GASK1A: variants seen among roughly 807,000 people sequenced by gnomAD.
GASK1A encodes the protein golgi associated kinase 1A, also known as Golgi-associated kinase 1A.
In GASK1A, 40 loss-of-function variants were observed where a neutral mutation model predicts 41.2. That is an observed-to-expected ratio of 0.97 (90% CI 0.75 to 1.27). GASK1A has a LOEUF of 1.27. Ranked by LOEUF, GASK1A falls within the 50% of genes most tolerant of loss-of-function variation. The pLI is 0.00. For synonymous variants in GASK1A, 316 were observed against 307.1 expected (o/e 1.03, Z -0.30); for missense variants, 678 against 745.1 (o/e 0.91, Z 1.05).
intron 2 of GASK1A, among the ~76,000 whole-genome samples, chr3:43,041,322 C>G (rs1294879066): frequency 6.6e-6 from 1 of 152,028 alleles, no homozygotes; most frequent in Non-Finnish European, 1.5e-5. Flanking sequence ...AATGGTTGAA[C>G]TAGTTTACAG....
At chr3:43,039,260 T>C (rs1376080419) in intron 2 of GASK1A, among the ~76,000 whole-genome samples, 3 of 141,884 alleles carry the variant, frequency 2.1e-5, no homozygotes, top group African/African-American at 7.7e-5. Context: ...TGGAGTACAA[T>C]GGCGCAATCT....
At chr3:43,027,432 T>C (rs1478515355) in intron 1 of GASK1A, among the ~76,000 whole-genome samples, 1 of 152,142 alleles carries the variant, frequency 6.6e-6, no homozygotes, top group Non-Finnish European at 1.5e-5. Context: ...GTTTATTTCA[T>C]TAATAATAGC....
At position 43,033,053 on chromosome 3, in the gene GASK1A, C is replaced by A. The variant is rs1278100490; in HGVS notation, c.790C>A (p.His264Asn). The A allele has an allele frequency of 6.4e-7, 1 of 1,551,680 alleles. No individual in the cohort carries two copies. Among genetic ancestry groups the A allele is most frequent in the South Asian group, 1.2e-5 (1 of 84,060 alleles). ...GCAGGCTCCCCCATGGCTGACAGAC[C>A]ACGATGTGCAGATGCTCCGTCTGTT... is the stretch of plus-strand genomic sequence containing the variant. ...GGQAPPWLTD[H>N]DVQMLRLLAQ... Residue 264 changes from histidine (H) to asparagine (N), a missense_variant, in exon 2 of 5, where the codon CAC becomes AAC. By Grantham distance (68) the His-to-Asn change is moderately conservative. Transcript: ENST00000430121.
chr3:43,050,052 A>G (rs552380229), intron 2 of GASK1A, among the ~76,000 whole-genome samples: 1 of 101,344 alleles, frequency 9.9e-6, no homozygotes, highest in South Asian at 2.6e-4. Flanking sequence ...AAAGAAGTCC[A>G]GAACAAAAAA....
chr3:42,988,754 G>A (rs2089325856), intron 1 of GASK1A, among the ~76,000 whole-genome samples: 1 of 152,216 alleles, frequency 6.6e-6, no homozygotes, highest in Non-Finnish European at 1.5e-5. Flanking sequence ...GTTTTCTGCT[G>A]GCCTGGATGG....
intron 2 of GASK1A, among the ~76,000 whole-genome samples, chr3:43,036,829 T>C (rs1241470324): frequency 1.3e-5 from 2 of 152,178 alleles, no homozygotes; most frequent in Admixed American, 6.5e-5. Flanking sequence ...CCTGAACAGC[T>C]TAAGAGAGGA....
At chr3:43,030,717 G>T (rs186236119) in intron 1 of GASK1A, among the ~76,000 whole-genome samples, 1 of 152,342 alleles carries the variant, frequency 6.6e-6, no homozygotes, top group Non-Finnish European at 1.5e-5. Flanking sequence ...TGCTCCCAGG[G>T]CTGGGGTTGG....
At chr3:43,009,379 G>A (rs2089452003) in intron 1 of GASK1A, among the ~76,000 whole-genome samples, 1 of 152,158 alleles carries the variant, frequency 6.6e-6, no homozygotes. Flanking sequence ...TGCTAGCACT[G>A]CTTCCCCCAG....
chr3:43,032,179 C>G, intron 1 of GASK1A, 88 bp from the exon 2 acceptor site: 1 of 1,062,428 alleles, frequency 9.4e-7, no homozygotes, highest in Non-Finnish European at 1.3e-6. Context: ...GAACTGAGCA[C>G]CTCATTTGCT....
chr3:42,989,088 A>C (rs1483428546), intron 1 of GASK1A, among the ~76,000 whole-genome samples: 1 of 152,238 alleles, frequency 6.6e-6, no homozygotes, highest in African/African-American at 2.4e-5. Flanking sequence ...CCGTAATTTC[A>C]AAAAGTGCAG....
Position 43,057,285 on chromosome 3 carries a change from G to A in GASK1A, c.*899G>A, listed in dbSNP as rs369609011. On this transcript the variant is annotated 3_prime_UTR_variant, in exon 5 of 5. Transcript: ENST00000430121. ...ATTGCCGCCATGAACATGATTGCATGGCGTGCAAGTATTTCTGCGAGGTAG... is the reference window on the plus strand; with the variant it reads ...ATTGCCGCCATGAACATGATTGCATAGCGTGCAAGTATTTCTGCGAGGTAG... 1.3e-5 allele frequency: 2 copies of A among 152,328 alleles called. No homozygotes were observed. The highest frequency in any genetic ancestry group is 4.1e-4 in the South Asian group (2 of 4,820). 9.4% of individuals were successfully genotyped at this position (152,328 alleles called of 1,614,324 possible).
intron 2 of GASK1A, among the ~76,000 whole-genome samples, chr3:43,050,056 CA>C (rs35496497): frequency 4.7e-5 from 7 of 148,456 alleles, no homozygotes; most frequent in Non-Finnish European, 8.9e-5. Flanking sequence ...AAGTCCAGAA[CA>C]AAAAAAAATA....
At chr3:43,023,778 A>G (rs2089532901) in intron 1 of GASK1A, among the ~76,000 whole-genome samples, 1 of 152,242 alleles carries the variant, frequency 6.6e-6, no homozygotes, top group South Asian at 2.1e-4. Context: ...AAAGAGGCTC[A>G]GACCTACTGA....
At chr3:43,005,638 AGACGCTG>A (rs1228891482) in intron 1 of GASK1A, among the ~76,000 whole-genome samples, 2 of 152,214 alleles carry the variant, frequency 1.3e-5, no homozygotes, top group African/African-American at 4.8e-5. Flanking sequence ...TGTGACAAAG[AGACGCTG>A]AAAGTGCTTC....
intron 1 of GASK1A, among the ~76,000 whole-genome samples, chr3:43,023,048 G>A (rs1426470153): frequency 6.6e-6 from 1 of 152,198 alleles, no homozygotes; most frequent in Non-Finnish European, 1.5e-5. Context: ...CCCAAATGCT[G>A]TGCATGTTAT....
chr3:43,024,495 A>G (rs1023005935), intron 1 of GASK1A, among the ~76,000 whole-genome samples: 7 of 152,160 alleles, frequency 4.6e-5, no homozygotes, highest in African/African-American at 1.7e-4. Context: ...CTTACCAAAC[A>G]CTGCAGGTGC....
chr3:42,980,520 A>G (rs76747682), intron 1 of GASK1A, among the ~76,000 whole-genome samples: 3,901 of 152,230 alleles, frequency 0.026, 159 homozygotes, highest in African/African-American at 0.081. Context: ...AGCTCACAGA[A>G]GGCAGATCGG....
intron 2 of GASK1A, among the ~76,000 whole-genome samples, chr3:43,049,969 A>C (rs1398315236): frequency 2.7e-5 from 4 of 150,180 alleles, no homozygotes. Context: ...ACATCTTTAT[A>C]CATTTTCTGC....
At chr3:43,049,663 C>A (rs78134315) in intron 2 of GASK1A, among the ~76,000 whole-genome samples, 1,627 of 151,808 alleles carry the variant, frequency 0.011, 26 homozygotes, top group African/African-American at 0.038. Flanking sequence ...CTCAGCCTAT[C>A]TAGACCTGAG....
Sources: allele counts gnomAD v4.1 joint callset (sites outside exome capture counted in the v4.1 genomes callset), GRCh38; gene constraint gnomAD v4.1.1; transcripts MANE v1.5; gene names NCBI Gene and HGNC (gene_info 2026-07-23, HGNC 2026-07-21).